SMIM14: variants seen among roughly 807,000 people sequenced by gnomAD.
The protein encoded by SMIM14 is small integral membrane protein 14, also known as chromosome 4 open reading frame 34.
Under a neutral mutation model 12.6 loss-of-function variants are expected in SMIM14, and 5 were observed. The observed-to-expected ratio is 0.40, with a 90% CI of 0.21 to 0.83. The LOEUF is 0.83. SMIM14 is among the 40% of genes least tolerant of loss of function. The pLI is 0.37. For synonymous variants in SMIM14, 30 were observed against 40.1 expected (o/e 0.75, Z 0.95); for missense variants, 86 against 119.1 (o/e 0.72, Z 1.29).
intron 1 of SMIM14, among the ~76,000 whole-genome samples, chr4:39,613,072 C>T (rs767661655): frequency 7.2e-5 from 11 of 152,102 alleles, no homozygotes; most frequent in Non-Finnish European, 1.3e-4. Context: ...TTTAAAATCT[C>T]TTTTTAATTC....
chr4:39,607,405 A>C (rs1245638641), intron 1 of SMIM14, among the ~76,000 whole-genome samples: 3 of 152,250 alleles, frequency 2.0e-5, no homozygotes, highest in African/African-American at 7.2e-5. Context: ...TTAAAAATTG[A>C]GTGATTAACA....
Position 39,637,330 on chromosome 4 carries a change from T to C in SMIM14, c.-36+1409A>G, listed in dbSNP as rs952797186. ...AGCTGAAAAAGAACTTCAAGAAATCTTTCCTTCTTCTAAATCAGAAGGATT... is the reference window on the plus strand; with the variant it reads ...AGCTGAAAAAGAACTTCAAGAAATCCTTCCTTCTTCTAAATCAGAAGGATT... On this transcript the variant is annotated intron_variant, in intron 1 of 4. Coordinates refer to ENST00000295958, the MANE Select transcript of SMIM14 (RefSeq NM_174921.3). Among the ~76,000 whole-genome samples the C allele has an allele frequency of 2.6e-5, 4 of 152,298 alleles. No individual in the cohort carries two copies. The Middle Eastern group carries it at 0.01, about 389-fold the overall frequency.
At chr4:39,589,971 C>A (rs1027357875) in intron 2 of SMIM14, among the ~76,000 whole-genome samples, 1 of 133,180 alleles carries the variant, frequency 7.5e-6, no homozygotes, top group African/African-American at 2.9e-5. Context: ...TGCAGTGAGC[C>A]GAGATCACAC....
chr4:39,554,747 A>G (rs1422008223), intron 4 of SMIM14, among the ~76,000 whole-genome samples: 1 of 144,810 alleles, frequency 6.9e-6, no homozygotes, highest in Admixed American at 7.3e-5. Context: ...TAAAAATTGT[A>G]TATATTTGTC....
intron 1 of SMIM14, among the ~76,000 whole-genome samples, chr4:39,622,229 A>G (rs548832790): frequency 0.055 from 8,080 of 146,734 alleles, 271 homozygotes; most frequent in Middle Eastern, 0.1. Context: ...GACTACAGGC[A>G]CCCGCCATCG....
At chr4:39,607,214 G>T (rs1374330498) in intron 1 of SMIM14, among the ~76,000 whole-genome samples, 1 of 152,164 alleles carries the variant, frequency 6.6e-6, no homozygotes, top group African/African-American at 2.4e-5. Flanking sequence ...TATGTGAATT[G>T]TGGACACATC....
chr4:39,562,341 C>T (rs774056127), intron 3 of SMIM14, among the ~76,000 whole-genome samples: 4 of 152,162 alleles, frequency 2.6e-5, no homozygotes, highest in Non-Finnish European at 5.9e-5. Context: ...CACACAACTG[C>T]ACTCCAGCCA....
At chr4:39,562,977 T>A (rs1712392282) in intron 3 of SMIM14, among the ~76,000 whole-genome samples, 1 of 152,030 alleles carries the variant, frequency 6.6e-6, no homozygotes. Context: ...TTTCCTCATA[T>A]GATTGGGCCT....
intron 3 of SMIM14, among the ~76,000 whole-genome samples, chr4:39,563,426 T>A (rs1578314472): frequency 6.6e-6 from 1 of 152,174 alleles, no homozygotes; most frequent in Admixed American, 6.6e-5. Context: ...TGTGACAGTA[T>A]CAACACCACA....
At chr4:39,619,200 CTA>C (rs1715344580) in intron 1 of SMIM14, among the ~76,000 whole-genome samples, 1 of 137,856 alleles carries the variant, frequency 7.3e-6, no homozygotes, top group Non-Finnish European at 1.5e-5. Context: ...TTAATTTATT[CTA>C]TATATCAATA....
chr4:39,616,171 T>G (rs1715216033), intron 1 of SMIM14, among the ~76,000 whole-genome samples: 1 of 152,224 alleles, frequency 6.6e-6, no homozygotes, highest in African/African-American at 2.4e-5. Flanking sequence ...AGACTCACTC[T>G]GTCACCCAGG....
Position 39,601,946 on chromosome 4 carries a change from T to TCAAAA in SMIM14, c.75+3124_75+3125insTTTTG, listed in dbSNP as rs200465052. ...TGGGGGAAAAGAATAAGACCCTATC[T>TCAAAA]TAAAAAAAAAAAACAAAAAAAATGC... On this transcript the variant is annotated intron_variant, in intron 2 of 4. Transcript: ENST00000295958. Among the ~76,000 whole-genome samples, 4 of 77,282 alleles carry TCAAAA rather than the reference T, an allele frequency of 5.2e-5. 2 individuals carry two copies. Among genetic ancestry groups the TCAAAA allele is most frequent in the Non-Finnish European group, 5.4e-5 (2 of 37,040 alleles). The allele number at this position is 77,282 out of a possible 152,430, so 50.7% of individuals were successfully genotyped here.
At chr4:39,584,809 A>G (rs1713708056) in intron 2 of SMIM14, among the ~76,000 whole-genome samples, 2 of 150,502 alleles carry the variant, frequency 1.3e-5, no homozygotes, top group Admixed American at 1.3e-4. Context: ...AAAAAAAAAA[A>G]AAGAAAAAAG....
At chr4:39,618,274 T>C (rs944698383) in intron 1 of SMIM14, among the ~76,000 whole-genome samples, 7 of 152,158 alleles carry the variant, frequency 4.6e-5, no homozygotes, top group Non-Finnish European at 1.0e-4. Flanking sequence ...CCAACTCATT[T>C]GAACACCTTG....
intron 2 of SMIM14, chr4:39,589,729 T>A (rs1293454318): frequency 6.6e-6 from 1 of 152,114 alleles, no homozygotes; most frequent in Non-Finnish European, 1.5e-5. Flanking sequence ...GGTATAAGGA[T>A]ATGAGTTACT....
In SMIM14 at chr4:39,550,204, T is replaced by C. The variant is rs1245648465; in HGVS notation, c.*1922A>G. On this transcript the variant is annotated 3_prime_UTR_variant, in exon 5 of 5. Coordinates refer to ENST00000295958, the MANE Select transcript of SMIM14 (RefSeq NM_174921.3). ...AAATCCTTACATTGATAGCAAAATA[T>C]CTTCTAGCCCCCATAAATAATCTGC... The C allele has an allele frequency of 1.3e-5, 2 of 152,184 alleles. No individual in the cohort carries two copies. The highest frequency in any genetic ancestry group is 1.3e-4 in the Admixed American group (2 of 15,276). 9.4% of individuals were successfully genotyped at this position (152,184 alleles called of 1,614,324 possible). A position where few individuals can be genotyped will look rare whatever the true frequency, so the allele number is the denominator to read the frequency against.
chr4:39,623,421 G>A (rs1715577621), intron 1 of SMIM14, among the ~76,000 whole-genome samples: 1 of 152,130 alleles, frequency 6.6e-6, no homozygotes, highest in Non-Finnish European at 1.5e-5. Flanking sequence ...TTCCTGAGAA[G>A]GCAGGGATAA....
intron 1 of SMIM14, among the ~76,000 whole-genome samples, chr4:39,628,587 C>G (rs1055983712): frequency 6.6e-6 from 1 of 151,630 alleles, no homozygotes; most frequent in African/African-American, 2.4e-5. Context: ...GAGGCTGAGG[C>G]AGGAGAATCG....
At chr4:39,572,277 C>CGTTT in intron 3 of SMIM14, 138 bp downstream of exon 3, 1 of 208,862 alleles carries the variant, frequency 4.8e-6, no homozygotes, top group Non-Finnish European at 8.4e-6. Flanking sequence ...GTATGTGTCG[C>CGTTT]TTTTTTTTTT....
Sources: allele counts gnomAD v4.1 joint callset (sites outside exome capture counted in the v4.1 genomes callset), GRCh38; gene constraint gnomAD v4.1.1; transcripts MANE v1.5; gene names NCBI Gene and HGNC (gene_info 2026-07-23, HGNC 2026-07-21).